Variants in CNTN5 observed in about 807,000 individuals in gnomAD.
CNTN5 encodes contactin-5.
In CNTN5, 77 loss-of-function variants were observed where a neutral mutation model predicts 129.1. That is an observed-to-expected ratio of 0.60 (90% CI 0.50 to 0.72). CNTN5 has a LOEUF of 0.72. CNTN5 is among the 30% of genes least tolerant of loss of function. The pLI is 0.00. For missense variants in CNTN5, 1,478 were observed against 1,328.8 expected, an observed-to-expected ratio of 1.11 and a Z score of -1.75; for synonymous variants, 509 against 465.6, an observed-to-expected ratio of 1.09 and a Z score of -1.20.
chr11:99,488,232 G>A (rs11827309), intron 2 of CNTN5, among the ~76,000 whole-genome samples: 40,007 of 147,904 alleles, frequency 0.27, 5,725 homozygotes, highest in Non-Finnish European at 0.33. Flanking sequence ...GAGTGCAGTG[G>A]CGCGATCTCG....
rs566626491 is a variant in CNTN5 at position 99,320,703 on chromosome 11, G to C, written c.-209-4643G>C. On this transcript the variant is annotated intron_variant, in intron 1 of 24. Coordinates refer to ENST00000524871, the MANE Select transcript of CNTN5 (RefSeq NM_014361.4). ...CAGATATCTTTTTTTATTCAATATA[G>C]TTGTACTGTTTAAGAATAAAATAGG... Among the ~76,000 whole-genome samples the C allele has an allele frequency of 1.4e-3, 212 of 152,274 alleles. 1 individual carries two copies. The highest frequency in any genetic ancestry group is 5.1e-3 in the African/African-American group (210 of 41,554).
At chr11:99,227,856 T>C (rs1260939651) in intron 1 of CNTN5, among the ~76,000 whole-genome samples, 1 of 152,144 alleles carries the variant, frequency 6.6e-6, no homozygotes, top group Non-Finnish European at 1.5e-5. Context: ...TTATTTAGCT[T>C]ATAGATTTAT....
chr11:99,559,649 T>G (rs969060240), intron 3 of CNTN5, among the ~76,000 whole-genome samples: 16 of 152,208 alleles, frequency 1.1e-4, no homozygotes, highest in African/African-American at 3.4e-4. Flanking sequence ...TTTTGCAGTT[T>G]CTTACAAAGC....
chr11:99,735,561 A>T (rs564184747), intron 3 of CNTN5, among the ~76,000 whole-genome samples: 1 of 152,236 alleles, frequency 6.6e-6, no homozygotes, highest in Non-Finnish European at 1.5e-5. Flanking sequence ...GTTAGAATTG[A>T]TACTGAATAA....
chr11:99,219,710 GGTCT>G (rs1860306846), intron 1 of CNTN5, among the ~76,000 whole-genome samples: 2 of 151,388 alleles, frequency 1.3e-5, no homozygotes, highest in South Asian at 4.2e-4. Context: ...AAACTGACAT[GGTCT>G]GTCTTAGATT....
Position 100,356,101 on chromosome 11 carries a change from GCTT to G in CNTN5, c.3200-12_3200-10del. The G allele has an allele frequency of 6.3e-7, 1 of 1,576,084 alleles. No individual in the cohort carries two copies. Among genetic ancestry groups the G allele is most frequent in the Non-Finnish European group, 8.7e-7 (1 of 1,150,572 alleles). ...ACCAAGATAATTTGCTCCATTTGAT[GCTT>G]CTTTTTTCACAGGTGGAAAAATCAC... On this transcript the variant is annotated splice_polypyrimidine_tract_variant and intron_variant, in intron 24 of 24. Coordinates refer to ENST00000524871, the MANE Select transcript of CNTN5 (RefSeq NM_014361.4).
intron 3 of CNTN5, among the ~76,000 whole-genome samples, chr11:99,798,121 G>C (rs541965822): frequency 2.6e-5 from 4 of 151,738 alleles, no homozygotes; most frequent in African/African-American, 9.7e-5. Flanking sequence ...ACCCTACCCC[G>C]TCTGATAGGC....
At chr11:99,921,273 T>A (rs2136035013) in intron 7 of CNTN5, among the ~76,000 whole-genome samples, 1 of 152,280 alleles carries the variant, frequency 6.6e-6, no homozygotes, top group South Asian at 2.1e-4. Flanking sequence ...TTGATCTGTC[T>A]GAACTCAGCT....
At chr11:100,015,641 G>A (rs1463262198) in intron 9 of CNTN5, among the ~76,000 whole-genome samples, 3 of 151,780 alleles carry the variant, frequency 2.0e-5, no homozygotes, top group Non-Finnish European at 2.9e-5. Context: ...GTGGTGGTAC[G>A]GAAAAACTAA....
At chr11:99,971,034 C>G (rs914763862) in intron 8 of CNTN5, among the ~76,000 whole-genome samples, 1 of 152,136 alleles carries the variant, frequency 6.6e-6, no homozygotes, top group African/African-American at 2.4e-5. Flanking sequence ...GGAATAAAGC[C>G]TACCATATAA....
intron 8 of CNTN5, among the ~76,000 whole-genome samples, chr11:100,000,738 G>C (rs149569862): frequency 6.6e-6 from 1 of 152,314 alleles, no homozygotes; most frequent in Non-Finnish European, 1.5e-5. Context: ...ACTTCTGCCT[G>C]GACATCTAGG....
At chr11:99,032,638 T>C (rs1422397396) in intron 1 of CNTN5, among the ~76,000 whole-genome samples, 1 of 152,218 alleles carries the variant, frequency 6.6e-6, no homozygotes, top group East Asian at 1.9e-4. Flanking sequence ...TGTAAATCTG[T>C]TTGAGTTCAC....
At chr11:99,029,787 A>C (rs1481654853) in intron 1 of CNTN5, among the ~76,000 whole-genome samples, 1 of 152,138 alleles carries the variant, frequency 6.6e-6, no homozygotes, top group African/African-American at 2.4e-5. Flanking sequence ...ATGATATTTG[A>C]GTTTCTTCTC....
chr11:100,308,301 C>A (rs559918485), intron 20 of CNTN5, 58 bp from the exon 21 acceptor site: 3 of 1,488,884 alleles, frequency 2.0e-6, no homozygotes, highest in East Asian at 2.3e-5. Context: ...CAGACTCAGG[C>A]GCAATACTTT....
At chr11:99,822,322 T>C (rs184077094) in intron 4 of CNTN5, among the ~76,000 whole-genome samples, 2 of 152,254 alleles carry the variant, frequency 1.3e-5, no homozygotes, top group East Asian at 1.9e-4. Flanking sequence ...TTCACCACAA[T>C]ATGTTTAAGA....
intron 15 of CNTN5, among the ~76,000 whole-genome samples, chr11:100,196,279 G>T (rs188425178): frequency 6.6e-6 from 1 of 151,956 alleles, no homozygotes; most frequent in African/African-American, 2.4e-5. Context: ...ACTGCATGAG[G>T]TAACTTAAAC....
At chr11:100,282,878 C>T (rs537545241) in intron 18 of CNTN5, among the ~76,000 whole-genome samples, 1 of 149,408 alleles carries the variant, frequency 6.7e-6, no homozygotes, top group East Asian at 2.0e-4. Context: ...ACCACAAGCC[C>T]ACAGGTAGTA....
At chr11:99,835,823 C>T (rs1014926379) in intron 4 of CNTN5, among the ~76,000 whole-genome samples, 1 of 152,164 alleles carries the variant, frequency 6.6e-6, no homozygotes, top group Non-Finnish European at 1.5e-5. Flanking sequence ...CCTGGAAATA[C>T]ATGCTAGCTA....
At chr11:100,316,407 G>T (rs1038244362) in intron 21 of CNTN5, among the ~76,000 whole-genome samples, 1 of 152,066 alleles carries the variant, frequency 6.6e-6, no homozygotes, top group African/African-American at 2.4e-5. Context: ...GAGGTTTATG[G>T]GAAGTTGAAG....
Sources: gnomAD v4.1 joint callset for allele counts (sites outside exome capture counted in the v4.1 genomes callset) on GRCh38, gnomAD v4.1.1 for gene constraint, MANE v1.5 for transcripts, NCBI Gene and HGNC (gene_info 2026-07-23, HGNC 2026-07-21) for gene names.